Variants in STON2 observed in about 807,000 individuals in gnomAD.
STON2 encodes the protein stonin-2.
A neutral mutation model predicts 65.7 loss-of-function variants in STON2; 29 were observed. That is an observed-to-expected ratio of 0.44 (90% CI 0.33 to 0.60). The LOEUF is 0.60. STON2 is among the 20% of genes least tolerant of loss of function. The probability of loss-of-function intolerance (pLI) is 0.03; values close to 1 mark genes in which losing one functional copy is unlikely to be tolerated. For synonymous variants in STON2, 404 were observed against 414.2 expected, an observed-to-expected ratio of 0.98 and a Z score of 0.30; for missense variants, 1,054 against 1,118.1, an observed-to-expected ratio of 0.94 and a Z score of 0.82.
intron 3 of STON2, among the ~76,000 whole-genome samples, chr14:81,393,901 A>C (rs2140431306): frequency 6.6e-6 from 1 of 152,196 alleles, no homozygotes; most frequent in African/African-American, 2.4e-5. Context: ...CAGAAATCTG[A>C]TGTTTAGGCT....
intron 5 of STON2, among the ~76,000 whole-genome samples, chr14:81,311,702 G>A (rs1470984890): frequency 6.6e-6 from 1 of 152,180 alleles, no homozygotes; most frequent in South Asian, 2.1e-4. Flanking sequence ...ATTTGCTTTA[G>A]AAATAATTCT....
chr14:81,377,998 C>T (rs942304649), intron 3 of STON2, among the ~76,000 whole-genome samples: 14 of 152,046 alleles, frequency 9.2e-5, no homozygotes, highest in African/African-American at 3.4e-4. Flanking sequence ...CAAGCATGTA[C>T]CACCACGCCT....
chr14:81,405,460 G>GTTTTTTTTTTTTTTTTTT (rs376505307), intron 2 of STON2, among the ~76,000 whole-genome samples: 3 of 63,332 alleles, frequency 4.7e-5, no homozygotes, highest in African/African-American at 1.5e-4. Context: ...AGTTACTATT[G>GTTTTTTTTTTTTTTTTTT]TTTTTTTTTT....
chr14:81,412,571 C>T (rs551625174), intron 2 of STON2, among the ~76,000 whole-genome samples: 12 of 138,770 alleles, frequency 8.6e-5, no homozygotes, highest in Admixed American at 8.6e-4. Context: ...ATGGTGGTTG[C>T]CAGGGGCCAG....
At chr14:81,364,995 C>T in intron 4 of STON2, among the ~76,000 whole-genome samples, 1 of 152,082 alleles carries the variant, frequency 6.6e-6, no homozygotes, top group East Asian at 1.9e-4. Context: ...TGTTCCTTGT[C>T]TATGAGGAAC....
Position 81,277,516 on chromosome 14 carries a change from T to C in STON2, c.1966A>G (p.Ile656Val). ...CCAGACAGGAAACTCAGGATGTGGA[T>C]CCGTGTCAAGACATGGTGCTGGAGA... ...QILQHHVLTR[I>V]HILSFLSGLA... The change falls in exon 6 of 8, where the codon ATC becomes GTC. Residue 656 changes from isoleucine (I) to valine (V), a missense_variant. By Grantham distance (29) the Ile-to-Val change is conservative. Transcript: ENST00000614646. The C allele has an allele frequency of 6.2e-7, 1 of 1,614,142 alleles. No individual in the cohort carries two copies.
intron 1 of STON2, among the ~76,000 whole-genome samples, chr14:81,429,828 G>A (rs28624306): frequency 1.7e-4 from 26 of 152,074 alleles, no homozygotes; most frequent in African/African-American, 4.1e-4. Flanking sequence ...CCCGCTACTC[G>A]GCAGGCTGAG....
chr14:81,276,790 A>C, intron 6 of STON2, 111 bp downstream of exon 6: 1 of 1,305,820 alleles, frequency 7.7e-7, no homozygotes, highest in Non-Finnish European at 1.1e-6. Context: ...CCCCTCCATC[A>C]CCACTCCCAT....
chr14:81,327,148 A>G (rs891302791), intron 4 of STON2, among the ~76,000 whole-genome samples: 1 of 152,160 alleles, frequency 6.6e-6, no homozygotes, highest in Non-Finnish European at 1.5e-5. Flanking sequence ...ACAGCGCAAG[A>G]CTCCATCTCA....
intron 2 of STON2, among the ~76,000 whole-genome samples, chr14:81,417,669 G>T (rs1901502889): frequency 1.3e-5 from 2 of 152,168 alleles, no homozygotes; most frequent in South Asian, 4.1e-4. Flanking sequence ...TGTAGATTTG[G>T]TGCCTAGAGA....
chr14:81,278,666 G>A lies in STON2; in HGVS notation c.816C>T (p.Ala272=). 2 of 1,539,672 alleles carry A rather than the reference G, an allele frequency of 1.3e-6. No homozygotes were observed. The highest frequency in any genetic ancestry group is 1.7e-6 in the Non-Finnish European group (2 of 1,144,794). Reference sequence around the variant, plus strand: ...CTGGAGGGGCAGGGTGCCCATTCATGGCTGGACTGCTGGCCTGCCAGCTGA... The same window carrying A: ...CTGGAGGGGCAGGGTGCCCATTCATAGCTGGACTGCTGGCCTGCCAGCTGA... ...EAISWQASSP[A]MNGHPAPPVT... Residue 272 remains alanine, a synonymous_variant, in exon 6 of 8, where the codon GCC becomes GCT. Transcript: ENST00000614646.
At chr14:81,310,819 A>G (rs1896395116) in intron 5 of STON2, among the ~76,000 whole-genome samples, 1 of 152,148 alleles carries the variant, frequency 6.6e-6, no homozygotes, top group African/African-American at 2.4e-5. Context: ...CAAGCCTGAA[A>G]GTCCAGAGGG....
At chr14:81,369,048 G>A (rs1898868582) in intron 4 of STON2, among the ~76,000 whole-genome samples, 1 of 152,172 alleles carries the variant, frequency 6.6e-6, no homozygotes, top group Admixed American at 6.5e-5. Flanking sequence ...ACCAGCACCA[G>A]ATTTGGGAAT....
At chr14:81,396,259 G>T in intron 2 of STON2, 81 bp from the exon 3 acceptor site, 1 of 1,415,458 alleles carries the variant, frequency 7.1e-7, no homozygotes, top group Non-Finnish European at 9.5e-7. Context: ...AACTAAGGAT[G>T]ACCATGGGGT....
chr14:81,373,642 T>G (rs941229116), intron 3 of STON2, among the ~76,000 whole-genome samples: 1 of 152,170 alleles, frequency 6.6e-6, no homozygotes, highest in Non-Finnish European at 1.5e-5. Context: ...AACCAGACTC[T>G]TGAGTTTTCC....
rs1017954155 is a variant in STON2 at position 81,267,761 on chromosome 14, A to G, written c.*653T>C. 8.1e-6 allele frequency: 8 copies of G among 985,282 alleles called. No homozygotes were observed. In the Admixed American group the frequency reaches 3.1e-4, roughly 38 times the overall value. 61.0% of individuals were successfully genotyped at this position (985,282 alleles called of 1,614,324 possible). ...CCTATTGTGCCTTTTTCCATTGTCT[A>G]TTGTGACTCAGGATAGCAAATCCTG... On this transcript the variant is annotated 3_prime_UTR_variant, in exon 8 of 8. Transcript: ENST00000614646.
chr14:81,335,699 T>C (rs1191760404), intron 4 of STON2, among the ~76,000 whole-genome samples: 1 of 152,174 alleles, frequency 6.6e-6, no homozygotes, highest in Admixed American at 6.5e-5. Context: ...ATAATACTCT[T>C]GGATTTACTA....
At chr14:81,372,577 G>GAAGAAC (rs60872072) in intron 3 of STON2, among the ~76,000 whole-genome samples, 2 of 146,240 alleles carry the variant, frequency 1.4e-5, no homozygotes, top group African/African-American at 5.0e-5. Flanking sequence ...AGAAGAAGAA[G>GAAGAAC]AATCATATCA....
At chr14:81,281,599 T>C (rs1425479074) in intron 5 of STON2, among the ~76,000 whole-genome samples, 1 of 152,188 alleles carries the variant, frequency 6.6e-6, no homozygotes, top group Admixed American at 6.5e-5. Flanking sequence ...TGTTTACACT[T>C]GCCACCAAAG....
Sources: gnomAD v4.1 joint callset for allele counts (sites outside exome capture counted in the v4.1 genomes callset) on GRCh38, gnomAD v4.1.1 for gene constraint, MANE v1.5 for transcripts, NCBI Gene and HGNC (gene_info 2026-07-23, HGNC 2026-07-21) for gene names.